The following SNX29 variants were observed in gnomAD, a reference collection of about 807,000 sequenced individuals.
SNX29 encodes the protein sorting nexin 29.
A neutral mutation model predicts 102.1 loss-of-function variants in SNX29; 78 were observed. The observed-to-expected ratio is 0.76, with a 90% CI of 0.64 to 0.92. The LOEUF is 0.92. Ranked by LOEUF, SNX29 falls within the 40% of genes least tolerant of loss-of-function variation. The pLI, the probability that SNX29 is intolerant of heterozygous loss-of-function variation, is 0.00. For synonymous variants in SNX29, 580 were observed against 414.5 expected (o/e 1.40, Z -4.85); for missense variants, 1,280 against 1,061.7 (o/e 1.21, Z -2.86).
At chr16:12,511,144 G>T (rs1223642883) in intron 19 of SNX29, among the ~76,000 whole-genome samples, 1 of 152,148 alleles carries the variant, frequency 6.6e-6, no homozygotes, top group Admixed American at 6.5e-5. Context: ...TTGGAACTCT[G>T]GTATTTTGGT....
intron 13 of SNX29, among the ~76,000 whole-genome samples, chr16:12,150,046 T>C (rs1321588827): frequency 3.3e-5 from 5 of 152,050 alleles, no homozygotes; most frequent in African/African-American, 1.2e-4. Flanking sequence ...TCTGCAAGGG[T>C]GGCCTGGGAA....
chr16:12,565,439 C>G (rs1273845510), intron 20 of SNX29, among the ~76,000 whole-genome samples: 1 of 152,196 alleles, frequency 6.6e-6, no homozygotes, highest in African/African-American at 2.4e-5. Context: ...CGTGGCCTCA[C>G]CTGCCCCCTC....
At position 12,415,295 on chromosome 16, in the gene SNX29, A is replaced by G. The variant is rs116251291; in HGVS notation, c.2037+11766A>G. 9.4e-3 allele frequency among the ~76,000 whole-genome samples: 1,435 copies of G among 152,342 alleles called. 21 individuals carry two copies. Among genetic ancestry groups the G allele is most frequent in the African/African-American group, 0.032 (1,346 of 41,582 alleles). On this transcript the variant is annotated intron_variant, in intron 18 of 20. Transcript: ENST00000566228. ...AGGCTGGGGAGTGGGCAGGACCCCA[A>G]TAATGGCTGAGACAGCCTTGCTGCC... is the stretch of plus-strand genomic sequence containing the variant.
At chr16:12,561,336 T>G (rs960346557) in intron 20 of SNX29, among the ~76,000 whole-genome samples, 2 of 152,038 alleles carry the variant, frequency 1.3e-5, no homozygotes, top group Non-Finnish European at 2.9e-5. Flanking sequence ...GTTTTCAAAG[T>G]GGTGAGACTC....
At chr16:12,505,596 C>G (rs375260720) in intron 19 of SNX29, among the ~76,000 whole-genome samples, 2 of 152,048 alleles carry the variant, frequency 1.3e-5, no homozygotes, top group Non-Finnish European at 2.9e-5. Context: ...GAAGCAGATT[C>G]GCATAGTTAG....
intron 6 of SNX29, among the ~76,000 whole-genome samples, chr16:12,047,043 T>G (rs1596686553): frequency 6.6e-6 from 1 of 152,334 alleles, no homozygotes; most frequent in East Asian, 1.9e-4. Context: ...GAGACCTACC[T>G]TTGAATCCTG....
chr16:12,344,259 A>G (rs1597004066), intron 15 of SNX29, among the ~76,000 whole-genome samples: 1 of 152,248 alleles, frequency 6.6e-6, no homozygotes, highest in South Asian at 2.1e-4. Context: ...CAACCTCACA[A>G]AGGGAGAGGG....
intron 18 of SNX29, among the ~76,000 whole-genome samples, chr16:12,409,081 A>G (rs534765235): frequency 6.6e-6 from 1 of 152,334 alleles, no homozygotes; most frequent in South Asian, 2.1e-4. Flanking sequence ...TTTTCAGGAC[A>G]AAGTAATATC....
intron 14 of SNX29, among the ~76,000 whole-genome samples, chr16:12,212,672 T>C (rs973551689): frequency 1.2e-4 from 18 of 152,272 alleles, no homozygotes; most frequent in Admixed American, 2.0e-4. Flanking sequence ...TTGCTTACTT[T>C]TTAATGAGAT....
At chr16:12,277,864 C>G in intron 14 of SNX29, 69 bp from the exon 15 acceptor site, 1 of 1,402,820 alleles carries the variant, frequency 7.1e-7, no homozygotes, top group Non-Finnish European at 9.8e-7. Context: ...AGAATTTTTT[C>G]TTTTTTTACT....
intron 16 of SNX29, among the ~76,000 whole-genome samples, chr16:12,357,980 C>T (rs533182022): frequency 1.3e-5 from 2 of 152,250 alleles, no homozygotes; most frequent in African/African-American, 4.8e-5. Context: ...GATTATATGA[C>T]TGTGTCGTTG....
intron 14 of SNX29, among the ~76,000 whole-genome samples, chr16:12,264,431 C>G (rs1326527052): frequency 6.6e-6 from 1 of 152,218 alleles, no homozygotes; most frequent in Non-Finnish European, 1.5e-5. Context: ...ATATGTATAA[C>G]TCTGCTGCTT....
chr16:12,068,114 C>G (rs569586160), intron 9 of SNX29, among the ~76,000 whole-genome samples: 3 of 152,242 alleles, frequency 2.0e-5, no homozygotes, highest in South Asian at 2.1e-4. Flanking sequence ...CAAGCTGATT[C>G]ATTATACCCG....
chr16:12,403,470 G>T lies in SNX29; in HGVS notation c.1978G>T (p.Val660Phe). The T allele has an allele frequency of 6.2e-7, 1 of 1,609,054 alleles. No homozygotes were observed. The highest frequency in any genetic ancestry group is 8.5e-7 in the Non-Finnish European group (1 of 1,177,726). ...FEISNRALIN[V>F]WIPSVFLRGK... Reference sequence around the variant, plus strand: ...TAGATCAAACCGGGCGCTGATCAACGTCTGGATCCCCTCAGTGTTTCTCCG... The same window carrying T: ...TAGATCAAACCGGGCGCTGATCAACTTCTGGATCCCCTCAGTGTTTCTCCG... Residue 660 changes from valine (V) to phenylalanine (F), a missense_variant, in exon 18 of 21, where the codon GTC becomes TTC. Transcript: ENST00000566228.
At chr16:12,017,989 C>G (rs1231944310) in intron 3 of SNX29, among the ~76,000 whole-genome samples, 1 of 151,962 alleles carries the variant, frequency 6.6e-6, no homozygotes, top group Non-Finnish European at 1.5e-5. Context: ...CACTGCAACC[C>G]CAGCATCCCG....
At chr16:11,989,451 C>G (rs1316378401) in intron 1 of SNX29, among the ~76,000 whole-genome samples, 1 of 152,210 alleles carries the variant, frequency 6.6e-6, no homozygotes, top group East Asian at 1.9e-4. Context: ...TGCCACTTCA[C>G]CCTACAATAC....
At chr16:11,982,153 A>G (rs1298360096) in intron 1 of SNX29, among the ~76,000 whole-genome samples, 1 of 152,192 alleles carries the variant, frequency 6.6e-6, no homozygotes, top group Non-Finnish European at 1.5e-5. Flanking sequence ...GTAGACCTAA[A>G]AAGATTATCA....
intron 15 of SNX29, among the ~76,000 whole-genome samples, chr16:12,298,224 G>C (rs1043606084): frequency 1.1e-4 from 17 of 152,138 alleles, no homozygotes; most frequent in Non-Finnish European, 1.9e-4. Flanking sequence ...GATGTGGAAT[G>C]ATCAATTCAA....
At chr16:12,333,059 G>A (rs2081342314) in intron 15 of SNX29, among the ~76,000 whole-genome samples, 1 of 151,846 alleles carries the variant, frequency 6.6e-6, no homozygotes, top group Non-Finnish European at 1.5e-5. Context: ...TGGATATTTA[G>A]CAGTGTGCAT....
Sources: gnomAD v4.1 joint callset for allele counts (sites outside exome capture counted in the v4.1 genomes callset) on GRCh38, gnomAD v4.1.1 for gene constraint, MANE v1.5 for transcripts, NCBI Gene and HGNC (gene_info 2026-07-23, HGNC 2026-07-21) for gene names.